TRIM2: variants seen among roughly 807,000 people sequenced by gnomAD.
TRIM2 encodes the protein tripartite motif-containing protein 2.
A neutral mutation model predicts 75.2 loss-of-function variants in TRIM2; 20 were observed. The observed-to-expected ratio is 0.27, with a 90% CI of 0.19 to 0.39. The LOEUF is 0.39. TRIM2 is among the 10% of genes least tolerant of loss of function. The pLI is 1.00. For missense variants in TRIM2, 660 were observed against 990.8 expected (o/e 0.67, Z 4.48); for synonymous variants, 373 against 388.3 (o/e 0.96, Z 0.46).
Position 153,335,158 on chromosome 4 carries a change from T to G in TRIM2, c.*192T>G. 7.9e-7 allele frequency: 1 copy of G among 1,272,002 alleles called. No homozygotes were observed. 78.8% of individuals were successfully genotyped at this position (1,272,002 alleles called of 1,614,324 possible). On this transcript the variant is annotated 3_prime_UTR_variant, in exon 12 of 12. Coordinates refer to ENST00000338700, the MANE Select transcript of TRIM2 (RefSeq NM_015271.5). ...AATTTCTGTATTTCACCTTTAGGGT[T>G]AAAAAAAACTCTTCTACTGAATCTA...
At chr4:153,230,319 T>C (rs569535651) in intron 1 of TRIM2, among the ~76,000 whole-genome samples, 44 of 152,328 alleles carry the variant, frequency 2.9e-4, no homozygotes, top group Admixed American at 2.4e-3. Flanking sequence ...TAGCTGGAAC[T>C]GCAGGTGCAT....
intron 1 of TRIM2, among the ~76,000 whole-genome samples, chr4:153,155,573 A>T (rs1487107240): frequency 1.3e-5 from 2 of 152,220 alleles, no homozygotes; most frequent in Admixed American, 1.3e-4. Flanking sequence ...AGAGAAAACC[A>T]GATTTTGATT....
At chr4:153,162,296 G>A (rs911021579) in intron 1 of TRIM2, among the ~76,000 whole-genome samples, 3 of 152,098 alleles carry the variant, frequency 2.0e-5, no homozygotes, top group African/African-American at 7.2e-5. Flanking sequence ...TTATTATAAG[G>A]AATTGGCTCA....
chr4:153,333,810 A>C (rs1380905672), intron 11 of TRIM2, among the ~76,000 whole-genome samples: 1 of 152,194 alleles, frequency 6.6e-6, no homozygotes, highest in Non-Finnish European at 1.5e-5. Context: ...TCTAGGTATT[A>C]GAAGTAATCT....
chr4:153,185,123 A>C (rs1336263679), intron 1 of TRIM2, among the ~76,000 whole-genome samples: 1 of 152,194 alleles, frequency 6.6e-6, no homozygotes, highest in African/African-American at 2.4e-5. Flanking sequence ...TTTTTAACGC[A>C]TTCTTCCTGT....
chr4:153,300,573 T>C (rs1763677452), intron 6 of TRIM2, among the ~76,000 whole-genome samples: 2 of 152,280 alleles, frequency 1.3e-5, no homozygotes, highest in Middle Eastern at 6.8e-3. Flanking sequence ...GACAGATTCT[T>C]ACTCTGTCGC....
intron 6 of TRIM2, chr4:153,307,882 G>A (rs1320399281): frequency 1.3e-6 from 1 of 746,846 alleles, no homozygotes; most frequent in Non-Finnish European, 2.5e-6. Context: ...ACTTCATTGT[G>A]GGAGACCATG....
chr4:153,300,633 C>G (rs182987375), intron 6 of TRIM2, among the ~76,000 whole-genome samples: 7 of 152,080 alleles, frequency 4.6e-5, no homozygotes, highest in Admixed American at 4.6e-4. Context: ...CCTCTGCCTC[C>G]CAGTTTTAAG....
At chr4:153,266,552 A>G (rs994929550) in intron 1 of TRIM2, among the ~76,000 whole-genome samples, 5 of 151,832 alleles carry the variant, frequency 3.3e-5, no homozygotes, top group Non-Finnish European at 7.4e-5. Context: ...CATGTCGGCC[A>G]GGATGGTCTG....
At chr4:153,162,127 T>G (rs1195543851) in intron 1 of TRIM2, among the ~76,000 whole-genome samples, 1 of 152,226 alleles carries the variant, frequency 6.6e-6, no homozygotes, top group Non-Finnish European at 1.5e-5. Context: ...ATTTAGTCAT[T>G]TAGCTTACTG....
At chr4:153,246,714 G>A (rs1006185224) in intron 1 of TRIM2, among the ~76,000 whole-genome samples, 2 of 152,212 alleles carry the variant, frequency 1.3e-5, no homozygotes, top group African/African-American at 4.8e-5. Context: ...TCAAGGAAGA[G>A]TCAGGGTGCC....
rs979298263 is a variant in TRIM2, at chr4:153,336,490, T to C, written c.*1524T>C. On this transcript the variant is annotated 3_prime_UTR_variant, in exon 12 of 12. Coordinates refer to ENST00000338700, the MANE Select transcript of TRIM2 (RefSeq NM_015271.5). ...AACAATTTAGTCAATCGTTCATCTG[T>C]CATTGGTACTGTAAAATAAGCTGTG... 5 of 985,742 alleles carry C rather than the reference T, an allele frequency of 5.1e-6. No homozygotes were observed. Among genetic ancestry groups the C allele is most frequent in the South Asian group, 4.7e-5 (1 of 21,292 alleles). The allele number at this position is 985,742 out of a possible 1,614,324, so 61.1% of individuals were successfully genotyped here. A position where few individuals can be genotyped will look rare whatever the true frequency, so the allele number is the denominator to read the frequency against.
rs770401290 is a variant in TRIM2 at position 153,315,488 on chromosome 4, C to A, written c.1514C>A (p.Thr505Asn). 1.3e-6 allele frequency: 2 copies of A among 1,595,852 alleles called. No individual in the cohort carries two copies. The highest frequency in any genetic ancestry group is 1.4e-5 in the African/African-American group (1 of 73,728). The change falls in exon 7 of 12, where the codon ACC becomes AAC. Residue 505 changes from threonine to asparagine, a missense_variant. Thr to Asn is a moderately conservative substitution (Grantham distance 65). This residue lies in a region of TRIM2 where 620 missense variants were observed against 891.0 expected (regional missense o/e 0.70). Coordinates refer to ENST00000338700, the MANE Select transcript of TRIM2 (RefSeq NM_015271.5). ...ATGATTTTATCATTTATTTTAGGTACCAAAGGAAGAAATAAAGGAGAGTTT... is the reference window on the plus strand; with the variant it reads ...ATGATTTTATCATTTATTTTAGGTAACAAAGGAAGAAATAAAGGAGAGTTT... ...IEDDLIFRVG[T>N]KGRNKGEFTN...
At chr4:153,305,981 A>G (rs1253531980) in intron 6 of TRIM2, among the ~76,000 whole-genome samples, 1 of 152,138 alleles carries the variant, frequency 6.6e-6, no homozygotes, top group Non-Finnish European at 1.5e-5. Context: ...CTAAAAACAC[A>G]AAAATTAGCT....
At chr4:153,191,377 T>TG (rs1411212029) in intron 1 of TRIM2, among the ~76,000 whole-genome samples, 1 of 152,264 alleles carries the variant, frequency 6.6e-6, no homozygotes, top group Non-Finnish European at 1.5e-5. Flanking sequence ...AACACGGCCT[T>TG]GGGGGCCATC....
chr4:153,241,663 T>A (rs1746655243), intron 1 of TRIM2, among the ~76,000 whole-genome samples: 9 of 152,192 alleles, frequency 5.9e-5, no homozygotes. Flanking sequence ...AGCGGGAACC[T>A]TGCATTAAGA....
At chr4:153,211,750 A>G (rs1420730982) in intron 1 of TRIM2, among the ~76,000 whole-genome samples, 1 of 151,914 alleles carries the variant, frequency 6.6e-6, no homozygotes, top group Non-Finnish European at 1.5e-5. Context: ...TGGGCCTCCC[A>G]AAGTGCGGGA....
chr4:153,191,378 G>C (rs1733170733), intron 1 of TRIM2, among the ~76,000 whole-genome samples: 1 of 152,244 alleles, frequency 6.6e-6, no homozygotes, highest in South Asian at 2.1e-4. Context: ...ACACGGCCTT[G>C]GGGGCCATCC....
At chr4:153,177,012 A>G (rs922498401) in intron 1 of TRIM2, among the ~76,000 whole-genome samples, 2 of 152,256 alleles carry the variant, frequency 1.3e-5, no homozygotes, top group African/African-American at 4.8e-5. Context: ...TTCAAGTAGA[A>G]GGAATCTTCC....
Sources: allele counts gnomAD v4.1 joint callset (sites outside exome capture counted in the v4.1 genomes callset), GRCh38; gene constraint gnomAD v4.1.1; regional missense constraint gnomAD v4.1.1; transcripts MANE v1.5; gene names NCBI Gene and HGNC (gene_info 2026-07-23, HGNC 2026-07-21).